The following SLC43A1 variants were observed in gnomAD, a reference collection of about 807,000 sequenced individuals.
SLC43A1 encodes large neutral amino acids transporter small subunit 3.
A neutral mutation model predicts 59.5 loss-of-function variants in SLC43A1; 31 were observed. That is an observed-to-expected ratio of 0.52 (90% CI 0.39 to 0.70). The LOEUF (loss-of-function observed/expected upper bound fraction) is 0.70, where lower values mean the gene tolerates loss of function less well. Ranked by LOEUF, SLC43A1 falls within the 30% of genes least tolerant of loss-of-function variation. SLC43A1 has a pLI of 0.00. For synonymous variants in SLC43A1, 259 were observed against 290.9 expected, an observed-to-expected ratio of 0.89 and a Z score of 1.12; for missense variants, 598 against 717.8, an observed-to-expected ratio of 0.83 and a Z score of 1.91.
In SLC43A1 at chr11:57,515,573, A is replaced by G. The variant is rs3758921; in HGVS notation, c.-143T>C. The G allele has an allele frequency of 0.38, 57,916 of 152,190 alleles. 11,800 individuals are homozygous for G. Among genetic ancestry groups the G allele is most frequent in the African/African-American group, 0.53 (21,935 of 41,520 alleles). 9.4% of individuals were successfully genotyped at this position (152,190 alleles called of 1,614,324 possible). On this transcript the variant is annotated 5_prime_UTR_variant, in exon 1 of 15. Transcript: ENST00000278426. This position sits in a 1 kb window ranked among gnomAD's most constrained non-coding sequence, Gnocchi z 5.3. ...CGGCGCTGGGGTCTTCTCTGCGTGC[A>G]GGACCCGGCGGCCACGGAGCTTCAG... is the stretch of plus-strand genomic sequence containing the variant.
chr11:57,498,289 A>C (rs1944146620), intron 5 of SLC43A1, among the ~76,000 whole-genome samples: 1 of 152,096 alleles, frequency 6.6e-6, no homozygotes, highest in South Asian at 2.1e-4. Flanking sequence ...AAAAATACAA[A>C]AATTAGCTAG....
rs1944009192 is a variant in SLC43A1 at position 57,494,094 on chromosome 11, ATGG to A, written c.767_769del (p.Thr256del). 6.2e-7 allele frequency: 1 copy of A among 1,611,746 alleles called. No individual in the cohort carries two copies. The highest frequency in any genetic ancestry group is 1.3e-5 in the African/African-American group (1 of 74,864). On this transcript the variant is annotated inframe_deletion, in exon 8 of 15. Coordinates refer to ENST00000278426, the MANE Select transcript of SLC43A1 (RefSeq NM_003627.6). ...GGCCTTCTGGCTGAGCCTCTGGCCC[ATGG>A]TGGTCACATGGGTGTAGAAGAGGTC...
intron 11 of SLC43A1, 144 bp downstream of exon 11, chr11:57,491,080 T>A: frequency 1.9e-6 from 2 of 1,040,872 alleles, no homozygotes; most frequent in Non-Finnish European, 2.6e-6. Context: ...TAGCCTCAGT[T>A]TCCTCATCTG....
rs569902328 is a variant in SLC43A1 at position 57,487,271 on chromosome 11, C to T, written c.1410-53G>A. 8.8e-6 allele frequency: 14 copies of T among 1,588,452 alleles called. No homozygotes were observed. The African/African-American group carries it at 1.6e-4, about 18-fold the overall frequency. ...GTGTGTGGCCCTCTCCAGCCCAGGC[C>T]AGCACCTCTCCTATCCCCTCCCCAC... On this transcript the variant is annotated intron_variant, in intron 13 of 14. Coordinates refer to ENST00000278426, the MANE Select transcript of SLC43A1 (RefSeq NM_003627.6).
rs1479484181 is a variant in SLC43A1, at chr11:57,496,040, A to G, written c.683T>C (p.Val228Ala). 1 of 1,613,942 alleles carries G rather than the reference A, an allele frequency of 6.2e-7. No homozygotes were observed. The highest frequency in any genetic ancestry group is 1.1e-5 in the South Asian group (1 of 91,044). The change falls in exon 7 of 15, where the codon GTC becomes GCC. Residue 228 changes from valine (V) to alanine (A), a missense_variant. By Grantham distance (64) the Val-to-Ala change is moderately conservative. Coordinates refer to ENST00000278426, the MANE Select transcript of SLC43A1 (RefSeq NM_003627.6). Reference protein sequence around the residue: ...PIEAFPAPEEVNYTKKIKLSG... With the variant: ...PIEAFPAPEEANYTKKIKLSG... ...CACTCCAGCCACTCACGTGTAATTGACTTCCTCAGGGGCAGGAAAGGCTTC... is the reference window on the plus strand; with the variant it reads ...CACTCCAGCCACTCACGTGTAATTGGCTTCCTCAGGGGCAGGAAAGGCTTC...
At chr11:57,497,891 T>G in intron 5 of SLC43A1, 46 bp from the exon 6 acceptor site, 1 of 1,456,370 alleles carries the variant, frequency 6.9e-7, no homozygotes. Context: ...ACCGTGACCC[T>G]TGCCCAGCAT....
At chr11:57,496,711 G>A (rs1944101576) in intron 6 of SLC43A1, among the ~76,000 whole-genome samples, 1 of 152,172 alleles carries the variant, frequency 6.6e-6, no homozygotes, top group Non-Finnish European at 1.5e-5. Context: ...AGGTGCAAGT[G>A]CTCTGCCCAA....
chr11:57,503,138 T>G (rs1944308983), intron 2 of SLC43A1, among the ~76,000 whole-genome samples: 2 of 152,138 alleles, frequency 1.3e-5, no homozygotes, highest in South Asian at 4.1e-4. Context: ...GGAACTGTCC[T>G]GGACAACAGA....
chr11:57,492,495 A>G (rs1467057851), intron 8 of SLC43A1, among the ~76,000 whole-genome samples: 2 of 130,722 alleles, frequency 1.5e-5, no homozygotes, highest in Admixed American at 1.8e-4. Flanking sequence ...ATAATATAAT[A>G]TATAATATAA....
intron 14 of SLC43A1, 95 bp downstream of exon 14, chr11:57,487,000 G>T: frequency 1.4e-6 from 2 of 1,380,680 alleles, no homozygotes; most frequent in Non-Finnish European, 2.0e-6. Flanking sequence ...GGTGCCTCTG[G>T]CTGAGATGAG....
At chr11:57,505,736 T>C (rs1944379560) in intron 2 of SLC43A1, among the ~76,000 whole-genome samples, 1 of 151,830 alleles carries the variant, frequency 6.6e-6, no homozygotes, top group South Asian at 2.1e-4. Context: ...CAAAGGGAAA[T>C]GGTAAAATCA....
intron 6 of SLC43A1, among the ~76,000 whole-genome samples, chr11:57,496,876 C>G (rs1200627496): frequency 1.3e-5 from 2 of 152,248 alleles, no homozygotes; most frequent in Non-Finnish European, 2.9e-5. Context: ...TCCCCTCAGG[C>G]TCCTGCTCAA....
rs567825614 is a variant in SLC43A1 at position 57,510,861 on chromosome 11, G to A, written c.154+3097C>T. Among the ~76,000 whole-genome samples, 599 of 151,796 alleles carry A rather than the reference G, an allele frequency of 3.9e-3. 6 individuals are homozygous for A. The highest frequency in any genetic ancestry group is 3.1e-3 in the South Asian group (15 of 4,808). ...ACAAAAATTAGCCGAGCATGGTGGCGGGCGCCTGTACCTGGGAGGCTAAGG... is the reference window on the plus strand; with the variant it reads ...ACAAAAATTAGCCGAGCATGGTGGCAGGCGCCTGTACCTGGGAGGCTAAGG... On this transcript the variant is annotated intron_variant, in intron 2 of 14. Coordinates refer to ENST00000278426, the MANE Select transcript of SLC43A1 (RefSeq NM_003627.6).
intron 5 of SLC43A1, among the ~76,000 whole-genome samples, chr11:57,498,150 A>ACATGGAATAGGTG (rs1944143491): frequency 6.6e-6 from 1 of 152,204 alleles, no homozygotes; most frequent in Admixed American, 6.5e-5. Context: ...CTTAAGAAAC[A>ACATGGAATAGGTG]CTGATCTTGG....
intron 2 of SLC43A1, among the ~76,000 whole-genome samples, chr11:57,513,110 T>C (rs1017235403): frequency 1.3e-5 from 2 of 152,192 alleles, no homozygotes; most frequent in Non-Finnish European, 2.9e-5. Context: ...TGAAGCTCAA[T>C]GTTTAAGGAA....
chr11:57,509,872 T>C (rs1383137033), intron 2 of SLC43A1, among the ~76,000 whole-genome samples: 1 of 152,150 alleles, frequency 6.6e-6, no homozygotes, highest in Non-Finnish European at 1.5e-5. Context: ...TAAAAACTGT[T>C]GTGCACTAAA....
intron 8 of SLC43A1, among the ~76,000 whole-genome samples, chr11:57,492,563 TATATATATATA>T (rs1233923567): frequency 4.6e-5 from 1 of 21,634 alleles, no homozygotes; most frequent in Non-Finnish European, 1.0e-4. Context: ...TATATATATA[TATATATATATA>T]AAAAAATAAG....
In SLC43A1 at chr11:57,501,340, G is replaced by T. The variant is rs778650283; in HGVS notation, c.155-11C>A. 5 of 1,605,928 alleles carry T rather than the reference G, an allele frequency of 3.1e-6. No individual in the cohort carries two copies. The highest frequency in any genetic ancestry group is 4.2e-6 in the Non-Finnish European group (5 of 1,179,712). On this transcript the variant is annotated splice_polypyrimidine_tract_variant and intron_variant, in intron 2 of 14. Coordinates refer to ENST00000278426, the MANE Select transcript of SLC43A1 (RefSeq NM_003627.6). ...TGGTGCTGCTCTCAGCTGAGGAGGG[G>T]GAAGGGAGGGCTCAGCACATGACAC...
intron 8 of SLC43A1, among the ~76,000 whole-genome samples, chr11:57,493,081 A>G (rs1943983730): frequency 6.6e-6 from 1 of 152,076 alleles, no homozygotes; most frequent in Non-Finnish European, 1.5e-5. Context: ...ACTCTGAAGC[A>G]CTCACTATGG....
Sources: gnomAD v4.1 joint callset for allele counts (sites outside exome capture counted in the v4.1 genomes callset) on GRCh38, gnomAD v4.1.1 for gene constraint, Gnocchi (gnomAD v3.1) non-coding constraint, MANE v1.5 for transcripts, NCBI Gene and HGNC (gene_info 2026-07-23, HGNC 2026-07-21) for gene names.